The following SNTB1 variants were observed in gnomAD, a reference collection of about 807,000 sequenced individuals.
The protein encoded by SNTB1 is beta-1-syntrophin.
SNTB1 carries 36 observed loss-of-function variants against 48.9 expected under a neutral mutation model. The ratio of observed to expected loss-of-function variants is 0.74; its 90% CI spans 0.56 to 0.97. SNTB1 has a LOEUF of 0.97. SNTB1 is among the 50% of genes least tolerant of loss of function. The pLI is 0.00. For synonymous variants in SNTB1, 299 were observed against 294.6 expected, an observed-to-expected ratio of 1.01 and a Z score of -0.15; for missense variants, 786 against 703.4, an observed-to-expected ratio of 1.12 and a Z score of -1.33.
At chr8:120,594,493 C>T (rs1381184678) in intron 3 of SNTB1, among the ~76,000 whole-genome samples, 1 of 152,086 alleles carries the variant, frequency 6.6e-6, no homozygotes, top group African/African-American at 2.4e-5. Flanking sequence ...CTGCCTCGGC[C>T]TCCCAAAGTG....
At chr8:120,635,168 G>GC (rs2130757299) in intron 2 of SNTB1, among the ~76,000 whole-genome samples, 1 of 152,140 alleles carries the variant, frequency 6.6e-6, no homozygotes, top group South Asian at 2.1e-4. Flanking sequence ...CTGTCCTCGC[G>GC]CAGAAGAAAA....
chr8:120,784,361 A>T (rs1475997216), intron 1 of SNTB1, among the ~76,000 whole-genome samples: 1 of 152,058 alleles, frequency 6.6e-6, no homozygotes, highest in African/African-American at 2.4e-5. Context: ...CTTGGAACCA[A>T]TCCACCTCAG....
At position 120,788,002 on chromosome 8, in the gene SNTB1, GA is replaced by G. The variant is rs1340053763; in HGVS notation, c.571+23270del. On this transcript the variant is annotated intron_variant, in intron 1 of 6. Transcript: ENST00000517992. ...CAAAAGCATCAGGTAACCTGTAAAG[GA>G]AAATCTATCAGACTAACAGGAGACT... Among the ~76,000 whole-genome samples the G allele has an allele frequency of 2.6e-5, 4 of 152,096 alleles. No homozygotes were observed. In the East Asian group the frequency reaches 7.7e-4, roughly 29 times the overall value.
chr8:120,722,074 T>A (rs937543132), intron 1 of SNTB1, among the ~76,000 whole-genome samples: 18 of 152,344 alleles, frequency 1.2e-4, no homozygotes, highest in Non-Finnish European at 2.5e-4. Flanking sequence ...GAACTCATCC[T>A]TTTTTATGGC....
intron 4 of SNTB1, among the ~76,000 whole-genome samples, chr8:120,564,915 G>A (rs1405474387): frequency 6.6e-6 from 1 of 152,038 alleles, no homozygotes; most frequent in Non-Finnish European, 1.5e-5. Context: ...GAGAGAAGAC[G>A]TCACTTGCTT....
intron 2 of SNTB1, among the ~76,000 whole-genome samples, chr8:120,674,420 G>A (rs1369001564): frequency 6.6e-6 from 1 of 152,206 alleles, no homozygotes; most frequent in African/African-American, 2.4e-5. Context: ...TGGAGCTGGT[G>A]AGGAAGACAG....
At chr8:120,793,101 T>C (rs1158118856) in intron 1 of SNTB1, among the ~76,000 whole-genome samples, 1 of 151,902 alleles carries the variant, frequency 6.6e-6, no homozygotes, top group Non-Finnish European at 1.5e-5. Context: ...ACATGTATCA[T>C]GAGCTTGGAG....
chr8:120,763,678 C>T (rs902824609), intron 1 of SNTB1, among the ~76,000 whole-genome samples: 13 of 152,048 alleles, frequency 8.5e-5, no homozygotes, highest in African/African-American at 2.9e-4. Context: ...TTTCCTTAAA[C>T]TATAAAGACA....
chr8:120,677,424 C>CT (rs1270266999), intron 2 of SNTB1, among the ~76,000 whole-genome samples: 1 of 152,194 alleles, frequency 6.6e-6, no homozygotes, highest in Non-Finnish European at 1.5e-5. Flanking sequence ...AAACTGTCAG[C>CT]TACTACAGAT....
At chr8:120,763,987 T>G (rs902878416) in intron 1 of SNTB1, among the ~76,000 whole-genome samples, 5 of 152,212 alleles carry the variant, frequency 3.3e-5, no homozygotes, top group Middle Eastern at 3.4e-3. Context: ...GTTAGTGGAG[T>G]AAAAACTGCC....
intron 3 of SNTB1, among the ~76,000 whole-genome samples, chr8:120,596,132 G>A (rs1405941378): frequency 7.9e-5 from 12 of 152,150 alleles, no homozygotes; most frequent in Admixed American, 7.9e-4. Context: ...AAAGCAGAGG[G>A]ATGTGGATGG....
Position 120,798,189 on chromosome 8 carries a change from C to A in SNTB1, c.571+13084G>T, listed in dbSNP as rs111681087. On this transcript the variant is annotated intron_variant, in intron 1 of 6. Coordinates refer to ENST00000517992, the MANE Select transcript of SNTB1 (RefSeq NM_021021.4). ...GACCAGCCTTGATTGTAGATTAGAA[C>A]CACCTGGGGAACTTTTAAACCTTCT... Among the ~76,000 whole-genome samples the A allele has an allele frequency of 6.8e-4, 103 of 152,080 alleles. 1 individual carries two copies. Among genetic ancestry groups the A allele is most frequent in the Middle Eastern group, 3.4e-3 (1 of 292 alleles).
intron 4 of SNTB1, among the ~76,000 whole-genome samples, chr8:120,565,983 C>T (rs768259267): frequency 1.1e-4 from 16 of 151,984 alleles, no homozygotes; most frequent in Non-Finnish European, 1.5e-4. Flanking sequence ...CTGAGGAAGG[C>T]GGATCACCTG....
chr8:120,777,976 C>A (rs1228669484), intron 1 of SNTB1, among the ~76,000 whole-genome samples: 1 of 152,222 alleles, frequency 6.6e-6, no homozygotes, highest in African/African-American at 2.4e-5. Context: ...TCTCTGAACT[C>A]ACTCCCTTTC....
chr8:120,709,111 A>G (rs1161029062), intron 1 of SNTB1, among the ~76,000 whole-genome samples: 1 of 152,012 alleles, frequency 6.6e-6, no homozygotes, highest in African/African-American at 2.4e-5. Context: ...AGGGAGGGAG[A>G]AAGAGAGGGA....
chr8:120,671,596 C>A (rs145086699), intron 2 of SNTB1, among the ~76,000 whole-genome samples: 1 of 152,180 alleles, frequency 6.6e-6, no homozygotes, highest in East Asian at 1.9e-4. Flanking sequence ...TGGTACCTTG[C>A]GGTTTTGGCC....
intron 4 of SNTB1, among the ~76,000 whole-genome samples, chr8:120,574,512 C>T (rs1269628414): frequency 6.6e-6 from 1 of 152,060 alleles, no homozygotes; most frequent in Non-Finnish European, 1.5e-5. Flanking sequence ...ATGTACATAA[C>T]TTTGTATGTC....
chr8:120,774,686 G>A (rs926581547), intron 1 of SNTB1, among the ~76,000 whole-genome samples: 4 of 152,014 alleles, frequency 2.6e-5, no homozygotes, highest in South Asian at 4.1e-4. Context: ...GATGGGTCTC[G>A]CTCTGTCACC....
intron 1 of SNTB1, among the ~76,000 whole-genome samples, chr8:120,703,133 T>C (rs1818332104): frequency 6.6e-6 from 1 of 152,156 alleles, no homozygotes; most frequent in South Asian, 2.1e-4. Flanking sequence ...TATTTTTTAA[T>C]TTTTTTTGAG....
Sources: allele counts gnomAD v4.1 joint callset (sites outside exome capture counted in the v4.1 genomes callset), GRCh38; gene constraint gnomAD v4.1.1; transcripts MANE v1.5; gene names NCBI Gene and HGNC (gene_info 2026-07-23, HGNC 2026-07-21).